The following SEC22A variants were observed in gnomAD, a reference collection of about 807,000 sequenced individuals.
The protein encoded by SEC22A is vesicle-trafficking protein SEC22a.
A neutral mutation model predicts 35.3 loss-of-function variants in SEC22A; 22 were observed. The observed-to-expected ratio is 0.62, with a 90% CI of 0.45 to 0.89. The LOEUF (loss-of-function observed/expected upper bound fraction) is 0.89. Ranked by LOEUF, SEC22A falls within the 40% of genes least tolerant of loss-of-function variation. The pLI, the probability that SEC22A is intolerant of heterozygous loss-of-function variation, is 0.00. For missense variants in SEC22A, 354 were observed against 362.5 expected (o/e 0.98, Z 0.19); for synonymous variants, 119 against 129.5 (o/e 0.92, Z 0.55).
chr3:123,225,884 C>G (rs1937210872), intron 4 of SEC22A, among the ~76,000 whole-genome samples: 1 of 152,164 alleles, frequency 6.6e-6, no homozygotes, highest in Non-Finnish European at 1.5e-5. Flanking sequence ...AAATTCTACT[C>G]TCTTATCTCC....
rs1303404195 is a variant in SEC22A at position 123,245,907 on chromosome 3, C to T, written c.550C>T (p.Arg184Ter). The change falls in exon 5 of 7, where the codon CGA (arginine) becomes TGA (stop). Residue 184 changes from arginine (R) to a stop codon, truncating the protein, a stop_gained. Coordinates refer to ENST00000492595, the MANE Select transcript of SEC22A (RefSeq NM_012430.5). LOFTEE classifies it high-confidence loss of function. ...GAGKISSAHQ[R>*]LEPATLSGIV... ...TTTCTTTTATTTTCCAGCTCACCAG[C>T]GACTGGAACCAGCAACTCTGTCAGG... The T allele has an allele frequency of 5.7e-6, 9 of 1,589,974 alleles. No homozygotes were observed. The highest frequency in any genetic ancestry group is 1.1e-5 in the South Asian group (1 of 89,826).
intron 1 of SEC22A, among the ~76,000 whole-genome samples, chr3:123,206,198 C>T (rs907432185): frequency 6.6e-6 from 1 of 152,130 alleles, no homozygotes; most frequent in Non-Finnish European, 1.5e-5. Context: ...GCCTTGAACT[C>T]CTGGGCCTGC....
intron 5 of SEC22A, among the ~76,000 whole-genome samples, chr3:123,249,033 C>T (rs552571169): frequency 3.3e-5 from 5 of 152,134 alleles, no homozygotes; most frequent in African/African-American, 7.2e-5. Context: ...TCCCACAACC[C>T]CCTCCTTGGA....
chr3:123,204,602 T>A (rs1936816082), intron 1 of SEC22A: 1 of 152,214 alleles, frequency 6.6e-6, no homozygotes, highest in South Asian at 2.1e-4. Flanking sequence ...GTCCAGGAAC[T>A]TGCTAACCAC....
intron 2 of SEC22A, among the ~76,000 whole-genome samples, chr3:123,222,985 A>G (rs1310901347): frequency 1.3e-5 from 2 of 152,238 alleles, no homozygotes; most frequent in African/African-American, 4.8e-5. Flanking sequence ...GCTTTAAGCC[A>G]TAGCCCTCAT....
intron 5 of SEC22A, among the ~76,000 whole-genome samples, chr3:123,253,302 T>C (rs1212162146): frequency 6.6e-6 from 1 of 152,194 alleles, no homozygotes; most frequent in Non-Finnish European, 1.5e-5. Context: ...GGACAGACAA[T>C]CTAAGATTTC....
intron 5 of SEC22A, among the ~76,000 whole-genome samples, chr3:123,258,611 A>G (rs1265485414): frequency 1.3e-5 from 2 of 152,196 alleles, no homozygotes; most frequent in Non-Finnish European, 2.9e-5. Context: ...CCTTACAATC[A>G]GTTGCCCAAT....
chr3:123,241,479 AT>A (rs1249287126), intron 4 of SEC22A, among the ~76,000 whole-genome samples: 1 of 152,276 alleles, frequency 6.6e-6, no homozygotes, highest in Middle Eastern at 3.4e-3. Context: ...ATCTCTTTGA[AT>A]CGTCATAAGG....
At chr3:123,229,345 C>T (rs1937272861) in intron 4 of SEC22A, among the ~76,000 whole-genome samples, 1 of 152,136 alleles carries the variant, frequency 6.6e-6, no homozygotes, top group Non-Finnish European at 1.5e-5. Context: ...CAGTGAACCT[C>T]AATAAGATTA....
chr3:123,202,912 G>T (rs1936775147), intron 1 of SEC22A, among the ~76,000 whole-genome samples: 1 of 152,130 alleles, frequency 6.6e-6, no homozygotes, highest in African/African-American at 2.4e-5. Flanking sequence ...TAAGGAATCA[G>T]GCAATGCCTT....
intron 6 of SEC22A, among the ~76,000 whole-genome samples, chr3:123,262,195 A>T (rs1937908552): frequency 6.6e-6 from 1 of 152,298 alleles, no homozygotes; most frequent in South Asian, 2.1e-4. Context: ...ATGGTTTGTC[A>T]TCTTTTTCTT....
At chr3:123,239,220 A>G (rs1937481324) in intron 4 of SEC22A, among the ~76,000 whole-genome samples, 1 of 152,230 alleles carries the variant, frequency 6.6e-6, no homozygotes, top group Non-Finnish European at 1.5e-5. Context: ...GGAGCACACA[A>G]GGATGTACCA....
chr3:123,254,462 C>T (rs1937675747), intron 5 of SEC22A, among the ~76,000 whole-genome samples: 1 of 152,180 alleles, frequency 6.6e-6, no homozygotes, highest in Non-Finnish European at 1.5e-5. Flanking sequence ...TTCCTCTCCT[C>T]TGCCTTCCTT....
chr3:123,208,675 G>A (rs961262235), intron 1 of SEC22A: 4 of 153,458 alleles, frequency 2.6e-5, no homozygotes, highest in African/African-American at 9.7e-5. Flanking sequence ...AGCCAAGATG[G>A]CGCCACTGCA....
At chr3:123,241,992 T>C (rs1401052682) in intron 4 of SEC22A, among the ~76,000 whole-genome samples, 3 of 152,166 alleles carry the variant, frequency 2.0e-5, no homozygotes, top group Non-Finnish European at 4.4e-5. Flanking sequence ...GCATCTCCTG[T>C]TCAATAAGTC....
intron 6 of SEC22A, among the ~76,000 whole-genome samples, chr3:123,265,536 A>C (rs2108107270): frequency 6.6e-6 from 1 of 152,184 alleles, no homozygotes; most frequent in African/African-American, 2.4e-5. Flanking sequence ...GGTTCTTCAC[A>C]GAACAAAAGT....
chr3:123,270,150 G>C (rs910104060), intron 6 of SEC22A, among the ~76,000 whole-genome samples: 3 of 152,140 alleles, frequency 2.0e-5, no homozygotes, highest in African/African-American at 7.2e-5. Context: ...AGAGGATAAC[G>C]GGGAACAGGG....
chr3:123,219,231 G>A (rs1008360557), intron 2 of SEC22A, among the ~76,000 whole-genome samples: 2 of 152,176 alleles, frequency 1.3e-5, no homozygotes, highest in African/African-American at 4.8e-5. Flanking sequence ...TGGCTGGAAT[G>A]TAGAGAGGGA....
chr3:123,213,508 C>G lies in SEC22A; in HGVS notation c.182+4109C>G, dbSNP rs75094404. ...ACTTCTTTTGAATCACCTTCTTTCT[C>G]ATTACTATTTTATGTCTCTAATGAT... On this transcript the variant is annotated intron_variant, in intron 2 of 6. Coordinates refer to ENST00000492595, the MANE Select transcript of SEC22A (RefSeq NM_012430.5). Among the ~76,000 whole-genome samples, 3,598 of 152,254 alleles carry G rather than the reference C, an allele frequency of 0.024. 249 individuals carry two copies. The East Asian group carries it at 0.27, about 12-fold the overall frequency.
Sources: allele counts gnomAD v4.1 joint callset (sites outside exome capture counted in the v4.1 genomes callset), GRCh38; gene constraint gnomAD v4.1.1; transcripts MANE v1.5; gene names NCBI Gene and HGNC (gene_info 2026-07-23, HGNC 2026-07-21).